Variants in LACTB2 observed in about 807,000 individuals in gnomAD.
LACTB2 encodes endoribonuclease LACTB2.
Under a neutral mutation model 34.8 loss-of-function variants are expected in LACTB2, and 32 were observed. The ratio of observed to expected loss-of-function variants is 0.92; its 90% CI spans 0.69 to 1.24. The LOEUF (loss-of-function observed/expected upper bound fraction) is 1.24, where lower values mean the gene tolerates loss of function less well. Among genes scored for constraint, LACTB2 ranks in the 50% most tolerant of loss-of-function variants. The probability of loss-of-function intolerance (pLI) is 0.00; values close to 1 mark genes in which losing one functional copy is unlikely to be tolerated. For synonymous variants in LACTB2, 120 were observed against 117.5 expected, an observed-to-expected ratio of 1.02 and a Z score of -0.14; for missense variants, 320 against 345.0, an observed-to-expected ratio of 0.93 and a Z score of 0.57.
chr8:70,654,291 G>A (rs1271095161), intron 3 of LACTB2, among the ~76,000 whole-genome samples: 8 of 152,124 alleles, frequency 5.3e-5, no homozygotes, highest in Non-Finnish European at 8.8e-5. Context: ...GGCATAATAT[G>A]CCCAGGAATA....
intron 5 of LACTB2, among the ~76,000 whole-genome samples, chr8:70,638,989 C>T (rs184698266): frequency 1.2e-4 from 18 of 152,152 alleles, no homozygotes; most frequent in African/African-American, 1.4e-4. Flanking sequence ...CCACCTGCCT[C>T]GGCCTCCCAA....
intron 1 of LACTB2, among the ~76,000 whole-genome samples, chr8:70,664,727 T>C (rs1281111011): frequency 1.3e-5 from 2 of 152,230 alleles, no homozygotes; most frequent in Non-Finnish European, 1.5e-5. Flanking sequence ...GACATTGACA[T>C]AGCAATTTAA....
At chr8:70,644,287 G>A (rs1489657037) in intron 3 of LACTB2, 44 bp from the exon 4 acceptor site, 5 of 1,308,212 alleles carry the variant, frequency 3.8e-6, no homozygotes, top group Non-Finnish European at 5.1e-6. Flanking sequence ...TTATGAACTC[G>A]AGCTTAGAAG....
intron 5 of LACTB2, among the ~76,000 whole-genome samples, chr8:70,639,981 G>T (rs974967886): frequency 2.0e-5 from 3 of 152,094 alleles, no homozygotes; most frequent in Non-Finnish European, 4.4e-5. Context: ...AAGTTTTTGA[G>T]ATACAGTCTT....
intron 1 of LACTB2, among the ~76,000 whole-genome samples, chr8:70,667,717 G>C (rs1372372289): frequency 6.6e-6 from 1 of 152,148 alleles, no homozygotes; most frequent in Non-Finnish European, 1.5e-5. Flanking sequence ...TCTTCACCTG[G>C]TTTTCAAACA....
intron 1 of LACTB2, among the ~76,000 whole-genome samples, chr8:70,664,408 C>A (rs1362726775): frequency 6.6e-6 from 1 of 152,020 alleles, no homozygotes; most frequent in African/African-American, 2.4e-5. Flanking sequence ...AATCTAGTAG[C>A]AAAGAAAACA....
At chr8:70,639,750 G>T (rs769550445) in intron 5 of LACTB2, among the ~76,000 whole-genome samples, 26 of 151,584 alleles carry the variant, frequency 1.7e-4, no homozygotes, top group Non-Finnish European at 3.4e-4. Flanking sequence ...ATCACCTGAG[G>T]TCGGGAGTTC....
chr8:70,650,590 C>T lies in LACTB2; in HGVS notation c.414-6347G>A, dbSNP rs549482041. On this transcript the variant is annotated intron_variant, in intron 3 of 6. Coordinates refer to ENST00000276590, the MANE Select transcript of LACTB2 (RefSeq NM_016027.3). ...ACTAAAAATACAAAAATTAGCTGGGCGTGGTGGCGGATGCCTGTAATCTCA... is the reference window on the plus strand; with the variant it reads ...ACTAAAAATACAAAAATTAGCTGGGTGTGGTGGCGGATGCCTGTAATCTCA... Among the ~76,000 whole-genome samples the T allele has an allele frequency of 9.9e-5, 15 of 151,838 alleles. No individual in the cohort carries two copies. In the South Asian group the frequency reaches 1.9e-3, roughly 19 times the overall value.
At chr8:70,645,078 A>ACC (rs1491557180) in intron 3 of LACTB2, among the ~76,000 whole-genome samples, 1 of 151,924 alleles carries the variant, frequency 6.6e-6, no homozygotes, top group Non-Finnish European at 1.5e-5. Flanking sequence ...ACACACACAC[A>ACC]TATACACATA....
intron 4 of LACTB2, among the ~76,000 whole-genome samples, chr8:70,643,516 TG>T (rs1266571958): frequency 4.6e-5 from 6 of 129,814 alleles, no homozygotes. Context: ...GTAGTTGATA[TG>T]TTTTTTTTTT....
chr8:70,644,803 A>G (rs561992644), intron 3 of LACTB2, among the ~76,000 whole-genome samples: 17 of 152,254 alleles, frequency 1.1e-4, no homozygotes, highest in Admixed American at 1.1e-3. Flanking sequence ...CTTACTTTAT[A>G]AATAATAAGC....
At chr8:70,643,994 C>T in intron 4 of LACTB2, 71 bp downstream of exon 4, 1 of 1,351,596 alleles carries the variant, frequency 7.4e-7, no homozygotes, top group Non-Finnish European at 9.6e-7. Context: ...TGAGAACAGC[C>T]TGGAAAACAT....
intron 3 of LACTB2, among the ~76,000 whole-genome samples, chr8:70,645,556 A>G (rs953171158): frequency 6.6e-6 from 1 of 151,774 alleles, no homozygotes; most frequent in Non-Finnish European, 1.5e-5. Flanking sequence ...CAGGTTAGTT[A>G]CGTATGTATA....
intron 5 of LACTB2, 116 bp downstream of exon 5, chr8:70,640,786 C>A (rs2132067822): frequency 1.7e-6 from 2 of 1,195,318 alleles, no homozygotes; most frequent in East Asian, 3.1e-5. Flanking sequence ...GGTCTCAAAT[C>A]TAGAAAAGTG....
rs573211220 is a variant in LACTB2, at chr8:70,662,517, C to T, written c.123-620G>A. 7 of 152,250 alleles carry T rather than the reference C, an allele frequency of 4.6e-5. No homozygotes were observed. The East Asian group carries it at 1.2e-3, about 25-fold the overall frequency. 9.4% of individuals were successfully genotyped at this position (152,250 alleles called of 1,614,324 possible). A position where few individuals can be genotyped will look rare whatever the true frequency, so the allele number is the denominator to read the frequency against. ...AGGCTTTAGTGAAGCATGGGAAAAA[C>T]ATCTGAGCTATTTTCTTTCTTTACT... On this transcript the variant is annotated intron_variant, in intron 1 of 6. Transcript: ENST00000276590.
At chr8:70,667,546 T>A (rs1053910090) in intron 1 of LACTB2, among the ~76,000 whole-genome samples, 2 of 152,240 alleles carry the variant, frequency 1.3e-5, no homozygotes, top group Admixed American at 6.5e-5. Flanking sequence ...TGAGCAACAG[T>A]GTTAAGTAAT....
At chr8:70,668,648 G>T (rs1818570539) in intron 1 of LACTB2, among the ~76,000 whole-genome samples, 1 of 151,782 alleles carries the variant, frequency 6.6e-6, no homozygotes, top group South Asian at 2.1e-4. Context: ...CAAAGTAAAC[G>T]CTTTCTTGGA....
chr8:70,661,410 C>A, intron 2 of LACTB2: 1 of 280,370 alleles, frequency 3.6e-6, no homozygotes, highest in Non-Finnish European at 6.9e-6. Flanking sequence ...ACAATAAGAG[C>A]ACCTACCTCA....
intron 3 of LACTB2, among the ~76,000 whole-genome samples, chr8:70,654,380 G>C (rs1818382705): frequency 6.6e-6 from 1 of 151,696 alleles, no homozygotes. Context: ...ACTGTGGTAT[G>C]GTAAAGAGAA....
Sources: allele counts gnomAD v4.1 joint callset (sites outside exome capture counted in the v4.1 genomes callset), GRCh38; gene constraint gnomAD v4.1.1; transcripts MANE v1.5; gene names NCBI Gene and HGNC (gene_info 2026-07-23, HGNC 2026-07-21).